Variants in THRB observed in about 807,000 individuals in gnomAD.
THRB encodes nuclear receptor subfamily 1 group A member 2.
THRB carries 12 observed loss-of-function variants against 47.8 expected under a neutral mutation model. That is an observed-to-expected ratio of 0.25 (90% CI 0.16 to 0.41). The LOEUF is 0.41. THRB is among the 10% of genes least tolerant of loss of function. The pLI is 1.00. For missense variants in THRB, 348 were observed against 589.2 expected (o/e 0.59, Z 4.24); for synonymous variants, 218 against 212.2 (o/e 1.03, Z -0.24).
chr3:24,166,586 T>C (rs926063068), intron 5 of THRB, among the ~76,000 whole-genome samples: 1 of 152,184 alleles, frequency 6.6e-6, no homozygotes, highest in Non-Finnish European at 1.5e-5. Flanking sequence ...ATTTTCTCCC[T>C]GTGGATGGTG....
At chr3:24,299,266 A>AG (rs1349191116) in intron 2 of THRB, among the ~76,000 whole-genome samples, 344 of 150,978 alleles carry the variant, frequency 2.3e-3, no homozygotes, top group African/African-American at 8.0e-3. Flanking sequence ...AAAAAAAAAA[A>AG]AAAAAAAGAA....
chr3:24,411,797 T>C (rs1392953767), intron 1 of THRB, among the ~76,000 whole-genome samples: 4 of 151,726 alleles, frequency 2.6e-5, no homozygotes, highest in Admixed American at 2.6e-4. Flanking sequence ...CTACAATGTG[T>C]AGGATACAAC....
rs1553677987 is a variant in THRB, at chr3:24,259,620, C to CAT, written c.-42-30620_-42-30619insAT. 2.6e-4 allele frequency among the ~76,000 whole-genome samples: 26 copies of CAT among 98,258 alleles called. No homozygotes were observed. The Admixed American group carries it at 3.1e-3, about 12-fold the overall frequency. 64.5% of individuals were successfully genotyped at this position (98,258 alleles called of 152,430 possible). A position where few individuals can be genotyped will look rare whatever the true frequency, so the allele number is the denominator to read the frequency against. ...CAAAGTGGGAATTAGCTCTGCTTAC[C>CAT]TTTTTTTTTTTTTTTTTTTTTTTAA... On this transcript the variant is annotated intron_variant, in intron 3 of 10. Transcript: ENST00000646209.
rs1178580407 is a variant in THRB, at chr3:24,117,366, C to G, written c.*5518G>C. 1.3e-5 allele frequency: 2 copies of G among 152,176 alleles called. No homozygotes were observed. Among genetic ancestry groups the G allele is most frequent in the Admixed American group, 1.3e-4 (2 of 15,288 alleles). 9.4% of individuals were successfully genotyped at this position (152,176 alleles called of 1,614,324 possible). A position where few individuals can be genotyped will look rare whatever the true frequency, so the allele number is the denominator to read the frequency against. On this transcript the variant is annotated 3_prime_UTR_variant, in exon 11 of 11. Coordinates refer to ENST00000646209, the MANE Select transcript of THRB (RefSeq NM_001354712.2). The stretch of plus-strand genomic sequence containing the variant: ...AATTTTCTTTCAGGAATCATCTTGC[C>G]TCAACTCTCAGTCCATAGTTTAGAT...
intron 2 of THRB, among the ~76,000 whole-genome samples, chr3:24,327,903 C>G (rs955680329): frequency 1.3e-5 from 2 of 151,970 alleles, no homozygotes; most frequent in African/African-American, 4.8e-5. Flanking sequence ...ATTGGCAATG[C>G]ATGAGATGGA....
At chr3:24,169,681 AT>A (rs2040170250) in intron 5 of THRB, among the ~76,000 whole-genome samples, 1 of 147,678 alleles carries the variant, frequency 6.8e-6, no homozygotes, top group African/African-American at 2.5e-5. Context: ...TTATAATAAT[AT>A]ATATTATATA....
intron 1 of THRB, among the ~76,000 whole-genome samples, chr3:24,363,768 T>A (rs1378342337): frequency 2.6e-5 from 4 of 152,202 alleles, no homozygotes; most frequent in Non-Finnish European, 5.9e-5. Flanking sequence ...CTCATTAATT[T>A]CAAGTAATAC....
chr3:24,403,830 T>C (rs1441326767), intron 1 of THRB, among the ~76,000 whole-genome samples: 1 of 151,972 alleles, frequency 6.6e-6, no homozygotes, highest in Non-Finnish European at 1.5e-5. Flanking sequence ...GTGTGACTGA[T>C]TAACTGTAAG....
rs10652016 is a variant in THRB at position 24,133,695 on chromosome 3, AAGAGAG to A, written c.739-239_739-234del. On this transcript the variant is annotated intron_variant, in intron 8 of 10. Transcript: ENST00000646209. ...ATGTTTACAGGACTGTTGCTGCAGA[AAGAGAG>A]AGAGAGAGAGAGAGAGAGAGATCAG... Among the ~76,000 whole-genome samples, 1,015 of 150,144 alleles carry A rather than the reference AAGAGAG, an allele frequency of 6.8e-3. 5 individuals are homozygous for A. The highest frequency in any genetic ancestry group is 9.8e-3 in the Non-Finnish European group (663 of 67,528).
chr3:24,249,189 T>C (rs9863517), intron 3 of THRB, among the ~76,000 whole-genome samples: 41 of 152,114 alleles, frequency 2.7e-4, no homozygotes, highest in African/African-American at 4.3e-4. Flanking sequence ...AGAGTAGAAG[T>C]CTTCAAAGGA....
At chr3:24,185,559 T>C (rs2042462335) in intron 5 of THRB, among the ~76,000 whole-genome samples, 1 of 152,188 alleles carries the variant, frequency 6.6e-6, no homozygotes, top group South Asian at 2.1e-4. Flanking sequence ...AGAATCAGTT[T>C]TAAAAATATT....
intron 2 of THRB, among the ~76,000 whole-genome samples, chr3:24,309,046 T>C (rs2057559703): frequency 6.6e-6 from 1 of 152,152 alleles, no homozygotes; most frequent in Non-Finnish European, 1.5e-5. Context: ...TGGCTCCCGT[T>C]TTTTGGCCAG....
At chr3:24,130,222 G>A (rs1347767734) in intron 9 of THRB, among the ~76,000 whole-genome samples, 5 of 152,156 alleles carry the variant, frequency 3.3e-5, no homozygotes, top group Non-Finnish European at 7.4e-5. Flanking sequence ...AGGAGAGATG[G>A]AATCAAAAAT....
At chr3:24,210,412 T>G (rs2045899369) in intron 4 of THRB, among the ~76,000 whole-genome samples, 1 of 149,912 alleles carries the variant, frequency 6.7e-6, no homozygotes, top group Middle Eastern at 3.2e-3. Context: ...ATTTGTTTGT[T>G]TTTTTTTTTT....
chr3:24,123,204 T>A, intron 10 of THRB, 79 bp from the exon 11 acceptor site: 1 of 1,600,642 alleles, frequency 6.2e-7, no homozygotes, highest in South Asian at 1.1e-5. Context: ...CAGGCCTTTA[T>A]TGGGGGGCGG....
intron 1 of THRB, among the ~76,000 whole-genome samples, chr3:24,451,703 C>A (rs945024963): frequency 6.6e-6 from 1 of 152,210 alleles, no homozygotes; most frequent in African/African-American, 2.4e-5. Context: ...AGGCTCATCT[C>A]CTCAGTCCAT....
intron 2 of THRB, among the ~76,000 whole-genome samples, chr3:24,323,539 T>A (rs1417052188): frequency 2.6e-5 from 4 of 152,206 alleles, no homozygotes; most frequent in Non-Finnish European, 5.9e-5. Context: ...AGATTCTGCA[T>A]TCCTAACCAG....
rs371211811 is a variant in THRB, at chr3:24,274,415, T to C, written c.-43+22811A>G. On this transcript the variant is annotated intron_variant, in intron 3 of 10. Coordinates refer to ENST00000646209, the MANE Select transcript of THRB (RefSeq NM_001354712.2). ...CTATTTTGAAGAGCCTATAGATTCA[T>C]TTGTGTTCTCTTTCTTTGTGGGTTA... is the stretch of plus-strand genomic sequence containing the variant. Among the ~76,000 whole-genome samples the C allele has an allele frequency of 8.1e-4, 123 of 152,300 alleles. 3 individuals are homozygous for C. In the South Asian group the frequency reaches 0.024, roughly 29 times the overall value.
chr3:24,220,172 T>C (rs2047010373), intron 4 of THRB, among the ~76,000 whole-genome samples: 1 of 152,116 alleles, frequency 6.6e-6, no homozygotes, highest in African/African-American at 2.4e-5. Flanking sequence ...TGGTCTAGGA[T>C]GGCATGGACA....
Sources: allele counts gnomAD v4.1 joint callset (sites outside exome capture counted in the v4.1 genomes callset), GRCh38; gene constraint gnomAD v4.1.1; transcripts MANE v1.5; gene names NCBI Gene and HGNC (gene_info 2026-07-23, HGNC 2026-07-21).